VPS13C: variants seen among roughly 807,000 people sequenced by gnomAD.
The protein encoded by VPS13C is intermembrane lipid transfer protein VPS13C.
In VPS13C, 358 loss-of-function variants were observed where a neutral mutation model predicts 456.8. The ratio of observed to expected loss-of-function variants is 0.78; its 90% CI spans 0.72 to 0.86. The LOEUF is 0.86. Among genes scored for constraint, VPS13C ranks in the 40% least tolerant of loss-of-function variants. The pLI is 0.00. For synonymous variants in VPS13C, 1,578 were observed against 1,486.7 expected (o/e 1.06, Z -1.41); for missense variants, 4,818 against 4,385.4 (o/e 1.10, Z -2.79).
At chr15:62,025,711 T>A (rs1307264053) in intron 6 of VPS13C, among the ~76,000 whole-genome samples, 1 of 152,118 alleles carries the variant, frequency 6.6e-6, no homozygotes, top group African/African-American at 2.4e-5. Flanking sequence ...AGAGAAAGTT[T>A]CTAATTAATC....
chr15:61,996,575 G>A (rs2046390289), intron 16 of VPS13C, among the ~76,000 whole-genome samples: 1 of 152,040 alleles, frequency 6.6e-6, no homozygotes, highest in Non-Finnish European at 1.5e-5. Context: ...AACTATCAGA[G>A]AGGCACTGAA....
intron 16 of VPS13C, among the ~76,000 whole-genome samples, chr15:61,996,060 T>C (rs772472239): frequency 2.6e-5 from 4 of 152,198 alleles, no homozygotes; most frequent in African/African-American, 2.4e-5. Context: ...CCAGAATGTA[T>C]GTGAGAAAAC....
intron 82 of VPS13C, among the ~76,000 whole-genome samples, chr15:61,861,086 C>G (rs1024868249): frequency 1.3e-5 from 2 of 151,312 alleles, no homozygotes; most frequent in Non-Finnish European, 2.9e-5. Flanking sequence ...TTCAGCCTCC[C>G]GAATAGCTGG....
chr15:61,912,008 T>A lies in VPS13C; in HGVS notation c.8551-4A>T. The A allele has an allele frequency of 6.4e-7, 1 of 1,569,204 alleles. No homozygotes were observed. Among genetic ancestry groups the A allele is most frequent in the African/African-American group, 1.4e-5 (1 of 73,780 alleles). The stretch of plus-strand genomic sequence containing the variant: ...TCATTTTGATGCTAACACCAACCTG[T>A]GGAAAGGAAAAAAGCTTATTTTCCA... On this transcript the variant is annotated splice_region_variant and splice_polypyrimidine_tract_variant and intron_variant, in intron 62 of 84. Transcript: ENST00000644861.
chr15:61,936,732 C>G lies in VPS13C; in HGVS notation c.5620G>C (p.Asp1874His), dbSNP rs200633287. The change falls in exon 48 of 85, where the codon GAC (aspartate) becomes CAC (histidine). Residue 1874 changes from aspartate (D) to histidine (H), a missense_variant. Physicochemically the swap from Asp to His is moderately conservative, Grantham distance 81. Coordinates refer to ENST00000644861, the MANE Select transcript of VPS13C (RefSeq NM_020821.3). ...AAAATTTTCATTAAAACTGTCAAGTCATCTTCACTGAGAGCAACCTAGAAA... is the reference window on the plus strand; with the variant it reads ...AAAATTTTCATTAAAACTGTCAAGTGATCTTCACTGAGAGCAACCTAGAAA... ...KPMQVALSED[D>H]LTVLMKILLE... 6.2e-7 allele frequency: 1 copy of G among 1,610,180 alleles called. No individual in the cohort carries two copies. The highest frequency in any genetic ancestry group is 8.5e-7 in the Non-Finnish European group (1 of 1,178,850).
intron 18 of VPS13C, among the ~76,000 whole-genome samples, chr15:61,986,441 TA>T (rs1241830031): frequency 1.3e-4 from 20 of 151,966 alleles, no homozygotes; most frequent in African/African-American, 4.8e-4. Context: ...TAGAGGAAAC[TA>T]ACCAAAGAAT....
chr15:62,008,551 T>A lies in VPS13C; in HGVS notation c.1118+104A>T, dbSNP rs1340020302. 4.8e-6 allele frequency: 3 copies of A among 622,780 alleles called. No individual in the cohort carries two copies. The East Asian group carries it at 9.4e-5, about 20-fold the overall frequency. 38.6% of individuals were successfully genotyped at this position (622,780 alleles called of 1,614,324 possible). A position where few individuals can be genotyped will look rare whatever the true frequency, so the allele number is the denominator to read the frequency against. Reference sequence around the variant, plus strand: ...CTTTTAATACTCTTGTCTCTTTTTTTAAAGTGGCTGAATTACTTGGCTTTT... The same window carrying A: ...CTTTTAATACTCTTGTCTCTTTTTTAAAAGTGGCTGAATTACTTGGCTTTT... On this transcript the variant is annotated intron_variant, in intron 14 of 84. Transcript: ENST00000644861.
At chr15:62,037,493 T>TAATAAATTTATTATATTGTAAGAATAC (rs2048102195) in intron 3 of VPS13C, among the ~76,000 whole-genome samples, 3 of 135,252 alleles carry the variant, frequency 2.2e-5, no homozygotes, top group South Asian at 2.2e-4. Flanking sequence ...TGTAAGAATA[T>TAATAAATTTATTATATTGTAAGAATAC]AATAAATTTA....
At chr15:62,021,819 G>C (rs1232621180) in intron 8 of VPS13C, among the ~76,000 whole-genome samples, 1 of 151,748 alleles carries the variant, frequency 6.6e-6, no homozygotes, top group Non-Finnish European at 1.5e-5. Context: ...AAATAAACCT[G>C]CAGCTCTTTC....
chr15:61,881,421 T>C (rs941660776), intron 71 of VPS13C, 142 bp downstream of exon 71: 1 of 772,488 alleles, frequency 1.3e-6, no homozygotes, highest in African/African-American at 1.8e-5. Flanking sequence ...GCATAAAAGA[T>C]TACTTGACCA....
At chr15:61,890,017 AGT>A in intron 67 of VPS13C, 146 bp downstream of exon 67, 2 of 700,568 alleles carry the variant, frequency 2.9e-6, no homozygotes, top group Non-Finnish European at 4.7e-6. Flanking sequence ...TTCAACTAAC[AGT>A]TCAAAGAATT....
intron 35 of VPS13C, among the ~76,000 whole-genome samples, chr15:61,959,833 A>G (rs2045133865): frequency 6.6e-6 from 1 of 152,192 alleles, no homozygotes; most frequent in South Asian, 2.1e-4. Flanking sequence ...TAGATAGGTG[A>G]AAAATTGAAT....
chr15:61,865,237 A>T, intron 81 of VPS13C: 1 of 984,370 alleles, frequency 1.0e-6, no homozygotes, highest in Non-Finnish European at 1.2e-6. Flanking sequence ...ATTCTAAGGA[A>T]ATATGAAAAA....
At chr15:61,979,793 C>A (rs2045818835) in intron 22 of VPS13C, among the ~76,000 whole-genome samples, 1 of 152,104 alleles carries the variant, frequency 6.6e-6, no homozygotes. Flanking sequence ...CAAGTGCGCT[C>A]AAATCAGCTA....
chr15:61,959,801 G>C (rs2045132906), intron 35 of VPS13C, among the ~76,000 whole-genome samples: 1 of 152,084 alleles, frequency 6.6e-6, no homozygotes, highest in African/African-American at 2.4e-5. Context: ...GAACCATTAA[G>C]AAAACTTTTT....
intron 47 of VPS13C, among the ~76,000 whole-genome samples, chr15:61,937,661 A>G (rs1881403097): frequency 6.6e-6 from 1 of 152,134 alleles, no homozygotes; most frequent in Non-Finnish European, 1.5e-5. Context: ...TTTTTAGTAG[A>G]GACGTGGTTT....
rs577127188 is a variant in VPS13C, at chr15:61,908,209, C to A, written c.8978+783G>T. 2.8e-4 allele frequency among the ~76,000 whole-genome samples: 42 copies of A among 152,090 alleles called. 1 individual carries two copies. The South Asian group carries it at 8.7e-3, about 32-fold the overall frequency. ...AGAGAACTGGGAGAAAAAAAGTAATCCAACTAGGTTTTAATCCTAATCTGT... is the reference window on the plus strand; with the variant it reads ...AGAGAACTGGGAGAAAAAAAGTAATACAACTAGGTTTTAATCCTAATCTGT... On this transcript the variant is annotated intron_variant, in intron 65 of 84. Coordinates refer to ENST00000644861, the MANE Select transcript of VPS13C (RefSeq NM_020821.3).
chr15:62,048,005 T>C (rs555664105), intron 1 of VPS13C, among the ~76,000 whole-genome samples: 63 of 151,464 alleles, frequency 4.2e-4, no homozygotes, highest in Admixed American at 7.2e-4. Flanking sequence ...TAAGAACACA[T>C]AGAAGTCATA....
rs1245124067 is a variant in VPS13C at position 62,013,922 on chromosome 15, C to T, written c.744+11G>A. 2.5e-6 allele frequency: 4 copies of T among 1,586,432 alleles called. No individual in the cohort carries two copies. The highest frequency in any genetic ancestry group is 3.6e-5 in the Admixed American group (2 of 55,196). ...AGGAAACTAACAAAAATTTTTATTC[C>T]AACATAATACCTTGTATATAATTTT... is the stretch of plus-strand genomic sequence containing the variant. On this transcript the variant is annotated intron_variant, in intron 10 of 84. Coordinates refer to ENST00000644861, the MANE Select transcript of VPS13C (RefSeq NM_020821.3).
Sources: gnomAD v4.1 joint callset for allele counts (sites outside exome capture counted in the v4.1 genomes callset) on GRCh38, gnomAD v4.1.1 for gene constraint, MANE v1.5 for transcripts, NCBI Gene and HGNC (gene_info 2026-07-23, HGNC 2026-07-21) for gene names.